Variants in CADPS2 observed in about 807,000 individuals in gnomAD.
CADPS2 encodes the protein calcium dependent secretion activator 2.
In CADPS2, 93 loss-of-function variants were observed where a neutral mutation model predicts 172.5. The observed-to-expected ratio is 0.54, with a 90% CI of 0.46 to 0.64. The LOEUF is 0.64. CADPS2 is among the 30% of genes least tolerant of loss of function. The pLI is 0.00. For missense variants in CADPS2, 1,420 were observed against 1,565.9 expected, an observed-to-expected ratio of 0.91 and a Z score of 1.57; for synonymous variants, 546 against 555.2, an observed-to-expected ratio of 0.98 and a Z score of 0.23.
In CADPS2 at chr7:122,776,582, AAAAC is replaced by A. The variant is rs998175565; in HGVS notation, c.340-39518_340-39515del. Among the ~76,000 whole-genome samples the A allele has an allele frequency of 2.0e-4, 31 of 152,190 alleles. 1 individual carries two copies. The South Asian group carries it at 2.9e-3, about 14-fold the overall frequency. On this transcript the variant is annotated intron_variant, in intron 1 of 29. Coordinates refer to ENST00000449022, the MANE Select transcript of CADPS2 (RefSeq NM_017954.11). ...TCAGAAAAAAGAAAAAAAAAAACTAAAAACAAACAAACAAACAAAAAACAGGAAA... is the reference window on the plus strand; with the variant it reads ...TCAGAAAAAAGAAAAAAAAAAACTAAAAACAAACAAACAAAAAACAGGAAA...
chr7:122,667,826 AACAACAGCAATAAAGC>A (rs947354732), intron 2 of CADPS2, among the ~76,000 whole-genome samples: 8 of 152,152 alleles, frequency 5.3e-5, no homozygotes, highest in African/African-American at 1.9e-4. Context: ...AAAATAAAAG[AACAACAGCAATAAAGC>A]ACAAAAGAAT....
intron 9 of CADPS2, among the ~76,000 whole-genome samples, chr7:122,492,695 TTTTTTTTC>T (rs750885380): frequency 4.5e-4 from 69 of 151,784 alleles, no homozygotes; most frequent in Admixed American, 1.0e-3. Flanking sequence ...GGTTAGTGTA[TTTTTTTTC>T]TTTTTTTCTT....
At chr7:122,882,161 C>T (rs1401714548) in intron 1 of CADPS2, among the ~76,000 whole-genome samples, 3 of 152,150 alleles carry the variant, frequency 2.0e-5, no homozygotes, top group Admixed American at 6.5e-5. Context: ...ATCAATTTTA[C>T]CTGTTTACTT....
chr7:122,836,624 A>C (rs1013484684), intron 1 of CADPS2, among the ~76,000 whole-genome samples: 3 of 152,220 alleles, frequency 2.0e-5, no homozygotes, highest in East Asian at 3.8e-4. Flanking sequence ...AAGGGGTTGC[A>C]ATCCTAGTCT....
chr7:122,684,049 G>T (rs2083362838), intron 2 of CADPS2, among the ~76,000 whole-genome samples: 1 of 152,028 alleles, frequency 6.6e-6, no homozygotes, highest in Non-Finnish European at 1.5e-5. Flanking sequence ...TTACTTACTT[G>T]TTTTTATTTA....
chr7:122,778,541 G>A (rs2093953292), intron 1 of CADPS2, among the ~76,000 whole-genome samples: 2 of 152,154 alleles, frequency 1.3e-5, no homozygotes, highest in African/African-American at 4.8e-5. Context: ...TAGGCCCAGA[G>A]GCCTGGAAGG....
chr7:122,818,069 G>A (rs189113795), intron 1 of CADPS2, among the ~76,000 whole-genome samples: 7 of 133,122 alleles, frequency 5.3e-5, no homozygotes, highest in Non-Finnish European at 9.3e-5. Flanking sequence ...TCTTATCTCT[G>A]CACCCCAACC....
intron 1 of CADPS2, among the ~76,000 whole-genome samples, chr7:122,852,555 G>C (rs1003796987): frequency 6.6e-6 from 1 of 152,290 alleles, no homozygotes; most frequent in African/African-American, 2.4e-5. Context: ...TTGAGTTAAT[G>C]GTTGAGCAAA....
chr7:122,645,539 T>TAC (rs2078407371), intron 3 of CADPS2, among the ~76,000 whole-genome samples: 3 of 132,438 alleles, frequency 2.3e-5, no homozygotes, highest in African/African-American at 5.5e-5. Flanking sequence ...TATATATATA[T>TAC]ACTTATATAT....
chr7:122,580,155 T>C (rs1446047042), intron 7 of CADPS2, among the ~76,000 whole-genome samples: 2 of 152,004 alleles, frequency 1.3e-5, no homozygotes, highest in Admixed American at 6.6e-5. Flanking sequence ...CTAGGTAAGA[T>C]AGGTTCACAT....
intron 1 of CADPS2, among the ~76,000 whole-genome samples, chr7:122,745,013 C>A (rs1000944991): frequency 6.6e-6 from 1 of 150,730 alleles, no homozygotes; most frequent in Admixed American, 6.6e-5. Context: ...CAAGTAAAAA[C>A]GTAAACATTT....
intron 14 of CADPS2, among the ~76,000 whole-genome samples, chr7:122,464,597 T>G (rs1278475961): frequency 1.3e-5 from 2 of 152,174 alleles, no homozygotes; most frequent in African/African-American, 4.8e-5. Context: ...GCGGATATTA[T>G]GTACTCCCTG....
Position 122,409,752 on chromosome 7 carries a change from C to G in CADPS2, c.2590-2056G>C, listed in dbSNP as rs143348471. ...CCCTTCTCTTTCTTGCCATCCCACC[C>G]TGGGTTGGTAGGAAGATGAGGGGCT... On this transcript the variant is annotated intron_variant, in intron 19 of 29. Coordinates refer to ENST00000449022, the MANE Select transcript of CADPS2 (RefSeq NM_017954.11). The G allele has an allele frequency of 1.1e-3, 451 of 404,754 alleles. 5 individuals are homozygous for G. Among genetic ancestry groups the G allele is most frequent in the African/African-American group, 8.4e-3 (414 of 49,094 alleles). 25.1% of individuals were successfully genotyped at this position (404,754 alleles called of 1,614,324 possible). A position where few individuals can be genotyped will look rare whatever the true frequency, so the allele number is the denominator to read the frequency against.
At chr7:122,872,147 T>C (rs865976323) in intron 1 of CADPS2, among the ~76,000 whole-genome samples, 1 of 152,140 alleles carries the variant, frequency 6.6e-6, no homozygotes, top group Admixed American at 6.6e-5. Flanking sequence ...TGGATTAATC[T>C]GTATAGCCCC....
intron 2 of CADPS2, among the ~76,000 whole-genome samples, chr7:122,681,839 TTCTTACATCC>T (rs905127261): frequency 6.6e-6 from 1 of 151,976 alleles, no homozygotes; most frequent in African/African-American, 2.4e-5. Flanking sequence ...TGTCTATGCC[TTCTTACATCC>T]TGTTTTAAGA....
At chr7:122,575,806 TA>T (rs1476657980) in intron 7 of CADPS2, among the ~76,000 whole-genome samples, 3 of 152,202 alleles carry the variant, frequency 2.0e-5, no homozygotes, top group African/African-American at 7.2e-5. Context: ...TTTTTTATTA[TA>T]AATGTTTATA....
chr7:122,439,788 T>C (rs990876543), intron 16 of CADPS2, among the ~76,000 whole-genome samples: 1 of 152,190 alleles, frequency 6.6e-6, no homozygotes, highest in South Asian at 2.1e-4. Context: ...CACCATTAAA[T>C]GTGATTATTA....
intron 13 of CADPS2, 88 bp from the exon 14 acceptor site, chr7:122,471,650 C>T (rs1466334764): frequency 2.0e-6 from 2 of 1,006,702 alleles, no homozygotes; most frequent in East Asian, 5.5e-5. Flanking sequence ...GCCTTATAAG[C>T]AGAAGCTGCA....
Position 122,428,421 on chromosome 7 carries a change from G to A in CADPS2, c.2476+9920C>T, listed in dbSNP as rs891138481. 5.3e-5 allele frequency among the ~76,000 whole-genome samples: 8 copies of A among 150,580 alleles called. No individual in the cohort carries two copies. In the South Asian group the frequency reaches 6.3e-4, roughly 12 times the overall value. On this transcript the variant is annotated intron_variant, in intron 17 of 29. Transcript: ENST00000449022. ...TTTGATTAAACCTCTGCCCTTGAGT[G>A]TATGTGTATACCTATACATATATAT...
Sources: allele counts gnomAD v4.1 joint callset (sites outside exome capture counted in the v4.1 genomes callset), GRCh38; gene constraint gnomAD v4.1.1; transcripts MANE v1.5; gene names NCBI Gene and HGNC (gene_info 2026-07-23, HGNC 2026-07-21).